B3GALT1: variants seen among roughly 807,000 people sequenced by gnomAD.
B3GALT1 encodes the protein UDP-Gal:betaGlcNAc beta 1,3-galactosyltransferase, polypeptide 1.
B3GALT1 carries 10 observed loss-of-function variants against 23.2 expected under a neutral mutation model. The observed-to-expected ratio is 0.43, with a 90% CI of 0.27 to 0.73. The LOEUF is 0.73. Among genes scored for constraint, B3GALT1 ranks in the 30% least tolerant of loss-of-function variants. B3GALT1 has a pLI of 0.21. For missense variants in B3GALT1, 299 were observed against 405.4 expected, an observed-to-expected ratio of 0.74 and a Z score of 2.25; for synonymous variants, 156 against 141.5, an observed-to-expected ratio of 1.10 and a Z score of -0.73.
At position 167,872,737 on chromosome 2, in the gene B3GALT1, G is replaced by A. The variant is rs1574313857; in HGVS notation, c.*2717G>A. On this transcript the variant is annotated 3_prime_UTR_variant, in exon 5 of 5. Coordinates refer to ENST00000392690, the MANE Select transcript of B3GALT1 (RefSeq NM_020981.4). Reference sequence around the variant, plus strand: ...TAAAAGGAGCAAAAATCAGAGAATCGTATGTCTTAAAGAACTATTTCCTTA... The same window carrying A: ...TAAAAGGAGCAAAAATCAGAGAATCATATGTCTTAAAGAACTATTTCCTTA... 6.6e-6 allele frequency: 1 copy of A among 152,142 alleles called. No homozygotes were observed. Among genetic ancestry groups the A allele is most frequent in the Non-Finnish European group, 1.5e-5 (1 of 68,022 alleles). The allele number at this position is 152,142 out of a possible 1,614,324, so 9.4% of individuals were successfully genotyped here. A position where few individuals can be genotyped will look rare whatever the true frequency, so the allele number is the denominator to read the frequency against.
At chr2:167,563,772 A>C (rs868063980) in intron 2 of B3GALT1, among the ~76,000 whole-genome samples, 60 of 116 alleles carry the variant, frequency 0.52, 30 homozygotes, top group Admixed American at 0.6. Context: ...GGGCGGCTGG[A>C]CTCGGGGCTG....
chr2:167,780,404 T>A (rs1377322088), intron 3 of B3GALT1, among the ~76,000 whole-genome samples: 1 of 152,216 alleles, frequency 6.6e-6, no homozygotes, highest in Non-Finnish European at 1.5e-5. Context: ...CAAGGGCCAC[T>A]GAAATTCTAA....
At chr2:167,560,147 T>A (rs1006731296) in intron 2 of B3GALT1, among the ~76,000 whole-genome samples, 2 of 152,168 alleles carry the variant, frequency 1.3e-5, no homozygotes, top group South Asian at 4.1e-4. Context: ...TGGGGGCCAA[T>A]ATTCAACATT....
intron 4 of B3GALT1, among the ~76,000 whole-genome samples, chr2:167,852,649 C>A (rs1689925243): frequency 6.6e-6 from 1 of 152,062 alleles, no homozygotes; most frequent in Non-Finnish European, 1.5e-5. Context: ...CCTTGAATGG[C>A]ACAGTGAAAA....
intron 3 of B3GALT1, among the ~76,000 whole-genome samples, chr2:167,672,554 A>G (rs888588133): frequency 3.3e-5 from 5 of 152,162 alleles, no homozygotes; most frequent in African/African-American, 1.2e-4. Context: ...TAAGAGCCAG[A>G]TACTCTGGGG....
chr2:167,408,334 G>A (rs779002611), intron 1 of B3GALT1, among the ~76,000 whole-genome samples: 1 of 152,014 alleles, frequency 6.6e-6, no homozygotes, highest in Non-Finnish European at 1.5e-5. Context: ...ATTACAAAAA[G>A]CCTCATCAAA....
chr2:167,516,538 T>G (rs918391225), intron 2 of B3GALT1, among the ~76,000 whole-genome samples: 1 of 152,078 alleles, frequency 6.6e-6, no homozygotes, highest in Non-Finnish European at 1.5e-5. Flanking sequence ...GGCAAGTCAC[T>G]TAAGTCACTT....
intron 4 of B3GALT1, among the ~76,000 whole-genome samples, chr2:167,835,932 C>T (rs1429993295): frequency 6.6e-6 from 1 of 152,172 alleles, no homozygotes; most frequent in African/African-American, 2.4e-5. Flanking sequence ...TGGAGTGGAC[C>T]TCTAGCAAAC....
chr2:167,618,597 G>A (rs1013550050), intron 2 of B3GALT1, among the ~76,000 whole-genome samples: 2 of 151,744 alleles, frequency 1.3e-5, no homozygotes, highest in Admixed American at 6.6e-5. Flanking sequence ...TTAATTATAC[G>A]ACTAATGTTC....
At chr2:167,520,878 G>A (rs1187618833) in intron 2 of B3GALT1, among the ~76,000 whole-genome samples, 2 of 152,182 alleles carry the variant, frequency 1.3e-5, no homozygotes, top group Non-Finnish European at 2.9e-5. Context: ...TACTTTTTCA[G>A]TCAGAATTGT....
At chr2:167,846,978 C>T (rs1689774638) in intron 4 of B3GALT1, among the ~76,000 whole-genome samples, 1 of 152,136 alleles carries the variant, frequency 6.6e-6, no homozygotes, top group African/African-American at 2.4e-5. Context: ...ACAAAACAAA[C>T]ATTAAAGCAA....
intron 1 of B3GALT1, among the ~76,000 whole-genome samples, chr2:167,437,229 C>T (rs1698800841): frequency 1.3e-5 from 2 of 152,270 alleles, no homozygotes; most frequent in Admixed American, 1.3e-4. Flanking sequence ...GTGTTGTGGT[C>T]TGGGATGGGC....
chr2:167,352,588 G>T (rs1697331619), intron 1 of B3GALT1, among the ~76,000 whole-genome samples: 1 of 151,508 alleles, frequency 6.6e-6, no homozygotes, highest in Non-Finnish European at 1.5e-5. Flanking sequence ...GGGCGTGGTG[G>T]CGGGTGCCTG....
chr2:167,652,650 A>T (rs1685887663), intron 3 of B3GALT1, among the ~76,000 whole-genome samples: 1 of 152,060 alleles, frequency 6.6e-6, no homozygotes, highest in Non-Finnish European at 1.5e-5. Context: ...TAAATGTGGT[A>T]CATCTTATGG....
intron 1 of B3GALT1, among the ~76,000 whole-genome samples, chr2:167,489,138 A>G (rs1699667487): frequency 1.3e-5 from 2 of 152,146 alleles, no homozygotes; most frequent in Non-Finnish European, 2.9e-5. Flanking sequence ...GAACTTCCAT[A>G]GGCAGATCAT....
At chr2:167,660,130 A>T (rs1686030501) in intron 3 of B3GALT1, among the ~76,000 whole-genome samples, 1 of 152,202 alleles carries the variant, frequency 6.6e-6, no homozygotes, top group East Asian at 1.9e-4. Context: ...TGGCAGGAAA[A>T]TTTGAAGTTT....
rs1028931630 is a variant in B3GALT1 at position 167,685,410 on chromosome 2, G to A, written c.-352+38444G>A. 2.6e-5 allele frequency among the ~76,000 whole-genome samples: 4 copies of A among 152,256 alleles called. No homozygotes were observed. The East Asian group carries it at 7.7e-4, about 29-fold the overall frequency. On this transcript the variant is annotated intron_variant, in intron 3 of 4. Coordinates refer to ENST00000392690, the MANE Select transcript of B3GALT1 (RefSeq NM_020981.4). ...GCCTAGCTATCCATTATTCTAGTTA[G>A]AGTAAATAGAAAACAAGCACATAGG...
chr2:167,767,955 G>C (rs576464978), intron 3 of B3GALT1, among the ~76,000 whole-genome samples: 43 of 152,246 alleles, frequency 2.8e-4, no homozygotes, highest in African/African-American at 1.0e-3. Flanking sequence ...TGATGGTGTA[G>C]ATTCTAGTCT....
At chr2:167,568,191 C>T (rs1574144131) in intron 2 of B3GALT1, among the ~76,000 whole-genome samples, 1 of 151,980 alleles carries the variant, frequency 6.6e-6, no homozygotes, top group Non-Finnish European at 1.5e-5. Flanking sequence ...GCTATAAGGT[C>T]TTTGTGTGGA....
Sources: allele counts gnomAD v4.1 joint callset (sites outside exome capture counted in the v4.1 genomes callset), GRCh38; gene constraint gnomAD v4.1.1; transcripts MANE v1.5; gene names NCBI Gene and HGNC (gene_info 2026-07-23, HGNC 2026-07-21).